PDCD4: variants seen among roughly 807,000 people sequenced by gnomAD.
PDCD4 encodes the protein programmed cell death protein 4.
A neutral mutation model predicts 54.0 loss-of-function variants in PDCD4; 56 were observed. The observed-to-expected ratio is 1.04, with a 90% CI of 0.84 to 1.30. The LOEUF (loss-of-function observed/expected upper bound fraction) is 1.30, where lower values mean the gene tolerates loss of function less well. Ranked by LOEUF, PDCD4 falls within the 50% of genes most tolerant of loss-of-function variation. PDCD4 has a pLI of 0.00. For synonymous variants in PDCD4, 186 were observed against 194.8 expected (o/e 0.95, Z 0.37); for missense variants, 584 against 559.8 (o/e 1.04, Z -0.44).
Position 110,883,013 on chromosome 10 carries a change from A to G in PDCD4, c.357A>G (p.Gly119=), listed in dbSNP as rs1459982666. The change falls in exon 4 of 12, where the codon GGA becomes GGG. Residue 119 remains glycine, a synonymous_variant. Coordinates refer to ENST00000280154, the MANE Select transcript of PDCD4 (RefSeq NM_014456.5). ...GRGLPKKGGA[G]GKGVWGTPGQ... is the part of the protein sequence containing the mutation. Reference sequence around the variant, plus strand: ...GCTAAACTTTTTCAGGTGGTGCAGGAGGCAAAGGTGTCTGGGGTACACCTG... The same window carrying G: ...GCTAAACTTTTTCAGGTGGTGCAGGGGGCAAAGGTGTCTGGGGTACACCTG... 2 of 1,596,422 alleles carry G rather than the reference A, an allele frequency of 1.3e-6. No homozygotes were observed. Among genetic ancestry groups the G allele is most frequent in the African/African-American group, 2.7e-5 (2 of 73,538 alleles).
chr10:110,887,114 C>T (rs11593142), intron 5 of PDCD4, among the ~76,000 whole-genome samples: 21,250 of 152,040 alleles, frequency 0.14, 1,951 homozygotes, highest in Non-Finnish European at 0.21. Flanking sequence ...TGCATAATGA[C>T]GTTTCCATGA....
rs1416985285 is a variant in PDCD4, at chr10:110,889,579, G to T, written c.824G>T (p.Cys275Phe). ...AGAGCTGTTGGAGATGGAATTTTAT[G>T]TAATACCTATATTGATAGTTACAAA... is the stretch of plus-strand genomic sequence containing the variant. Reference protein sequence around the residue: ...IARAVGDGILCNTYIDSYKGT... With the variant: ...IARAVGDGILFNTYIDSYKGT... The change falls in exon 7 of 12, where the codon TGT becomes TTT. Residue 275 changes from cysteine to phenylalanine, a missense_variant. By Grantham distance (205) the Cys-to-Phe change is radical (BLOSUM62 -2). Coordinates refer to ENST00000280154, the MANE Select transcript of PDCD4 (RefSeq NM_014456.5). The T allele has an allele frequency of 1.9e-6, 3 of 1,606,838 alleles. No individual in the cohort carries two copies. The highest frequency in any genetic ancestry group is 3.3e-5 in the Admixed American group (2 of 59,788).
chr10:110,882,115 T>G (rs1306425769), intron 3 of PDCD4, among the ~76,000 whole-genome samples: 1 of 152,190 alleles, frequency 6.6e-6, no homozygotes, highest in Non-Finnish European at 1.5e-5. Context: ...TTCTGAATGG[T>G]GGGAACTTCA....
chr10:110,889,460 A>C, intron 6 of PDCD4, 73 bp from the exon 7 acceptor site: 2 of 822,656 alleles, frequency 2.4e-6, no homozygotes, highest in Non-Finnish European at 4.1e-6. Context: ...TTCATCATTT[A>C]TGTATTTAGA....
chr10:110,877,705 T>C (rs530079869), intron 2 of PDCD4, among the ~76,000 whole-genome samples: 1 of 152,320 alleles, frequency 6.6e-6, no homozygotes, highest in South Asian at 2.1e-4. Flanking sequence ...AGACTTGTTC[T>C]TCAATATTTG....
At chr10:110,875,533 T>C (rs1845489719) in intron 1 of PDCD4, among the ~76,000 whole-genome samples, 1 of 152,148 alleles carries the variant, frequency 6.6e-6, no homozygotes, top group African/African-American at 2.4e-5. Flanking sequence ...TAAAACTGTG[T>C]TGTTTTTATT....
At chr10:110,894,768 A>T (rs1845806684) in intron 10 of PDCD4, among the ~76,000 whole-genome samples, 1 of 142,446 alleles carries the variant, frequency 7.0e-6, no homozygotes. Context: ...TATGTATTCT[A>T]CCTCAAGGGT....
chr10:110,893,547 GCTGGAAA>G (rs1260266517), intron 8 of PDCD4, among the ~76,000 whole-genome samples: 3 of 151,948 alleles, frequency 2.0e-5, no homozygotes, highest in Non-Finnish European at 4.4e-5. Flanking sequence ...TTTAGCTACA[GCTGGAAA>G]CTGAATTATT....
intron 7 of PDCD4, among the ~76,000 whole-genome samples, chr10:110,889,845 A>G: frequency 6.6e-6 from 1 of 152,192 alleles, no homozygotes; most frequent in East Asian, 1.9e-4. Context: ...TAAATCATTA[A>G]TTACCTTCAT....
chr10:110,897,157 CCCTGGCA>C (rs1845849626), intron 11 of PDCD4, among the ~76,000 whole-genome samples: 4 of 152,296 alleles, frequency 2.6e-5, no homozygotes, highest in South Asian at 4.1e-4. Context: ...GGGGCCAGTA[CCCTGGCA>C]TTGGCTTTTT....
chr10:110,898,829 A>G lies in PDCD4; in HGVS notation c.*741A>G, dbSNP rs1845895182. 1 of 152,560 alleles carries G rather than the reference A, an allele frequency of 6.6e-6. No individual in the cohort carries two copies. The highest frequency in any genetic ancestry group is 6.5e-5 in the Admixed American group (1 of 15,274). 9.5% of individuals were successfully genotyped at this position (152,560 alleles called of 1,614,324 possible). On this transcript the variant is annotated 3_prime_UTR_variant, in exon 12 of 12. Transcript: ENST00000280154. ...TGAATCTCATAAGGAAGCATATTTG[A>G]ACCTAGTCAATTTAATCTTAGTGTT...
chr10:110,872,415 G>A (rs2135180933), intron 1 of PDCD4, among the ~76,000 whole-genome samples: 1 of 152,192 alleles, frequency 6.6e-6, no homozygotes, highest in South Asian at 2.1e-4. Flanking sequence ...GCGTGTTTCC[G>A]GCTGGACTGA....
At chr10:110,872,389 G>C (rs1013340502) in intron 1 of PDCD4, among the ~76,000 whole-genome samples, 1 of 152,108 alleles carries the variant, frequency 6.6e-6, no homozygotes, top group Non-Finnish European at 1.5e-5. Flanking sequence ...TTGAATTCGG[G>C]GGCCGGGATT....
chr10:110,896,662 GTT>G (rs1180554901), intron 11 of PDCD4, among the ~76,000 whole-genome samples: 1 of 152,004 alleles, frequency 6.6e-6, no homozygotes, highest in African/African-American at 2.4e-5. Context: ...TAGTTGGTAA[GTT>G]TTTTTGTTGT....
intron 11 of PDCD4, among the ~76,000 whole-genome samples, 171 bp from the exon 12 acceptor site, chr10:110,897,857 T>G (rs80151135): frequency 1.3e-5 from 2 of 151,918 alleles, no homozygotes; most frequent in Middle Eastern, 3.4e-3. Context: ...TGCTAAGATA[T>G]ATAGTAGGGA....
intron 8 of PDCD4, 53 bp from the exon 9 acceptor site, chr10:110,894,038 C>A: frequency 9.3e-7 from 1 of 1,078,480 alleles, no homozygotes; most frequent in Admixed American, 1.8e-5. Flanking sequence ...TAGGCAAGCA[C>A]GATATTTTAA....
At chr10:110,878,869 T>C (rs1402738116) in intron 2 of PDCD4, among the ~76,000 whole-genome samples, 1 of 151,970 alleles carries the variant, frequency 6.6e-6, no homozygotes, top group East Asian at 1.9e-4. Context: ...TACCAGGTAG[T>C]GTGGAACCTG....
chr10:110,880,562 C>T (rs1454121126), intron 2 of PDCD4: 1 of 152,208 alleles, frequency 6.6e-6, no homozygotes, highest in African/African-American at 2.4e-5. Flanking sequence ...CAAACTTTGT[C>T]TTGAGGCAGT....
chr10:110,883,058 G>A lies in PDCD4; in HGVS notation c.402G>A (p.Glu134=), dbSNP rs756589741. 12 of 1,598,470 alleles carry A rather than the reference G, an allele frequency of 7.5e-6. No homozygotes were observed. The highest frequency in any genetic ancestry group is 1.0e-5 in the Non-Finnish European group (12 of 1,174,128). ...CACCTGGACAGGTGTATGATGTGGA[G>A]GAGGTGGATGTGAAAGATCCTAACT... ...WGTPGQVYDV[E]EVDVKDPNYD... The change falls in exon 4 of 12, where the codon GAG becomes GAA. Residue 134 remains glutamate (E), a synonymous_variant. Coordinates refer to ENST00000280154, the MANE Select transcript of PDCD4 (RefSeq NM_014456.5).
Sources: gnomAD v4.1 joint callset for allele counts (sites outside exome capture counted in the v4.1 genomes callset) on GRCh38, gnomAD v4.1.1 for gene constraint, MANE v1.5 for transcripts, NCBI Gene and HGNC (gene_info 2026-07-23, HGNC 2026-07-21) for gene names.